SLC16A7: variants seen among roughly 807,000 people sequenced by gnomAD.
SLC16A7 encodes the protein monocarboxylate transporter 2.
A neutral mutation model predicts 34.9 loss-of-function variants in SLC16A7; 33 were observed. The observed-to-expected ratio is 0.94, with a 90% confidence interval of 0.72 to 1.26. The LOEUF is 1.26. Among genes scored for constraint, SLC16A7 ranks in the 50% most tolerant of loss-of-function variants. The probability of loss-of-function intolerance (pLI) is 0.00; values close to 1 mark genes in which losing one functional copy is unlikely to be tolerated. For synonymous variants in SLC16A7, 201 were observed against 206.6 expected (o/e 0.97, Z 0.23); for missense variants, 573 against 578.1 (o/e 0.99, Z 0.09).
intron 1 of SLC16A7, among the ~76,000 whole-genome samples, chr12:59,642,787 C>T (rs1283696849): frequency 2.0e-5 from 3 of 151,996 alleles, no homozygotes; most frequent in East Asian, 3.9e-4. Flanking sequence ...TTAAGATTGT[C>T]TTTATAGAGT....
chr12:59,660,128 T>C (rs1868760877), intron 2 of SLC16A7, among the ~76,000 whole-genome samples: 1 of 152,094 alleles, frequency 6.6e-6, no homozygotes, highest in Non-Finnish European at 1.5e-5. Context: ...TAATCCTTTT[T>C]TAAAAAGAAT....
intron 5 of SLC16A7, among the ~76,000 whole-genome samples, chr12:59,776,714 T>G (rs1030744100): frequency 8.5e-5 from 13 of 152,232 alleles, no homozygotes; most frequent in Admixed American, 5.2e-4. Flanking sequence ...TAGGAATGTA[T>G]CAGTCGGCTC....
At chr12:59,634,536 A>G (rs1429141506) in intron 1 of SLC16A7, among the ~76,000 whole-genome samples, 1 of 151,928 alleles carries the variant, frequency 6.6e-6, no homozygotes, top group Non-Finnish European at 1.5e-5. Flanking sequence ...ATTCCAGCCA[A>G]ACCAACCTTA....
At chr12:59,777,514 C>T (rs1882876614) in intron 5 of SLC16A7, among the ~76,000 whole-genome samples, 1 of 151,806 alleles carries the variant, frequency 6.6e-6, no homozygotes, top group Non-Finnish European at 1.5e-5. Context: ...TTTCACTGCT[C>T]CTCTCAGAAA....
Position 59,604,010 on chromosome 12 carries a change from A to G in SLC16A7, c.-130+7774A>G, listed in dbSNP as rs570198323. Among the ~76,000 whole-genome samples the G allele has an allele frequency of 6.2e-4, 94 of 152,224 alleles. 2 individuals carry two copies. The highest frequency in any genetic ancestry group is 2.8e-4 in the Non-Finnish European group (19 of 68,028). On this transcript the variant is annotated intron_variant, in intron 1 of 5. Transcript: ENST00000547379. ...TGACATACTCTACCAATGTGGTGACAGCTCACATGTCTTTTGTTTTCTCTA... is the reference window on the plus strand; with the variant it reads ...TGACATACTCTACCAATGTGGTGACGGCTCACATGTCTTTTGTTTTCTCTA...
intron 1 of SLC16A7, among the ~76,000 whole-genome samples, chr12:59,636,512 T>G (rs537058357): frequency 1.2e-4 from 18 of 152,266 alleles, no homozygotes; most frequent in Non-Finnish European, 2.4e-4. Context: ...TTGCCCAGGT[T>G]GTAGTGCAAT....
At chr12:59,608,880 C>T (rs1879063861) in intron 1 of SLC16A7, among the ~76,000 whole-genome samples, 1 of 152,152 alleles carries the variant, frequency 6.6e-6, no homozygotes, top group Non-Finnish European at 1.5e-5. Flanking sequence ...AAAAAAGTGT[C>T]ACCAACAAAT....
intron 2 of SLC16A7, among the ~76,000 whole-genome samples, chr12:59,671,974 C>T (rs1442231199): frequency 3.5e-4 from 3 of 8,490 alleles, no homozygotes; most frequent in African/African-American, 9.0e-4. Flanking sequence ...TGTATATATC[C>T]ATATATCCGT....
At chr12:59,736,766 G>C (rs896386825) in intron 3 of SLC16A7, among the ~76,000 whole-genome samples, 2 of 152,172 alleles carry the variant, frequency 1.3e-5, no homozygotes, top group South Asian at 4.1e-4. Context: ...TACTAAACAA[G>C]TCCTGATCAT....
chr12:59,614,778 G>A (rs1012859560), intron 1 of SLC16A7, among the ~76,000 whole-genome samples: 3 of 139,764 alleles, frequency 2.1e-5, no homozygotes, highest in Admixed American at 7.7e-5. Flanking sequence ...CACGAGGTCA[G>A]GAGATCGAGA....
intron 3 of SLC16A7, among the ~76,000 whole-genome samples, chr12:59,758,450 C>T (rs1049054089): frequency 6.6e-6 from 1 of 151,684 alleles, no homozygotes; most frequent in Non-Finnish European, 1.5e-5. Context: ...ATGAGGTATC[C>T]TCAAAAAGGG....
At chr12:59,642,012 T>C (rs1277578845) in intron 1 of SLC16A7, among the ~76,000 whole-genome samples, 1 of 152,058 alleles carries the variant, frequency 6.6e-6, no homozygotes, top group African/African-American at 2.4e-5. Context: ...CTTTATATAG[T>C]GTTACAAAAA....
chr12:59,747,209 A>G (rs529642975), intron 3 of SLC16A7, among the ~76,000 whole-genome samples: 2 of 152,220 alleles, frequency 1.3e-5, no homozygotes, highest in Non-Finnish European at 2.9e-5. Context: ...ATCTAATGAT[A>G]TAGTTATATG....
intron 1 of SLC16A7, among the ~76,000 whole-genome samples, chr12:59,647,337 T>C (rs775653331): frequency 6.6e-6 from 1 of 152,090 alleles, no homozygotes; most frequent in Non-Finnish European, 1.5e-5. Context: ...TAAGTTCTTA[T>C]GAGATCTGAT....
chr12:59,692,187 C>A (rs1034475819), intron 2 of SLC16A7, among the ~76,000 whole-genome samples: 2 of 151,912 alleles, frequency 1.3e-5, no homozygotes, highest in African/African-American at 4.8e-5. Context: ...TCTCTCTCTG[C>A]GTCTTCCTTT....
chr12:59,755,580 C>T (rs142064807), intron 3 of SLC16A7, among the ~76,000 whole-genome samples: 2,512 of 152,236 alleles, frequency 0.017, 75 homozygotes, highest in African/African-American at 0.057. Context: ...AGGAGAACTA[C>T]AAACCACTGC....
intron 2 of SLC16A7, among the ~76,000 whole-genome samples, chr12:59,667,842 G>A (rs372852409): frequency 1.5e-3 from 232 of 152,272 alleles, no homozygotes; most frequent in African/African-American, 5.3e-3. Context: ...TTTCCCGGAC[G>A]GGGTCCGTGC....
At chr12:59,769,328 C>T (rs2137431537) in intron 3 of SLC16A7, 1 of 152,208 alleles carries the variant, frequency 6.6e-6, no homozygotes, top group East Asian at 1.9e-4. Flanking sequence ...TGCAGTGTCT[C>T]TGAGGTATGT....
chr12:59,632,163 G>C (rs1395473823), intron 1 of SLC16A7, among the ~76,000 whole-genome samples: 1 of 151,568 alleles, frequency 6.6e-6, no homozygotes, highest in Non-Finnish European at 1.5e-5. Flanking sequence ...GAAAGGAAAG[G>C]GTAGAATTAA....
Sources: allele counts gnomAD v4.1 joint callset (sites outside exome capture counted in the v4.1 genomes callset), GRCh38; gene constraint gnomAD v4.1.1; transcripts MANE v1.5; gene names NCBI Gene and HGNC (gene_info 2026-07-23, HGNC 2026-07-21).